The following EEA1 variants were observed in gnomAD, a reference collection of about 807,000 sequenced individuals.
EEA1 encodes early endosome antigen 1, 162kD.
A neutral mutation model predicts 209.2 loss-of-function variants in EEA1; 111 were observed. The observed-to-expected ratio is 0.53, with a 90% CI of 0.45 to 0.62. EEA1 has a LOEUF of 0.62. EEA1 is among the 20% of genes least tolerant of loss of function. The pLI, the probability that EEA1 is intolerant of heterozygous loss-of-function variation, is 0.00. For synonymous variants in EEA1, 536 were observed against 540.6 expected (o/e 0.99, Z 0.12); for missense variants, 1,343 against 1,530.8 (o/e 0.88, Z 2.05).
chr12:92,834,025 A>G (rs1876793168), intron 10 of EEA1, among the ~76,000 whole-genome samples: 1 of 152,160 alleles, frequency 6.6e-6, no homozygotes, highest in Admixed American at 6.5e-5. Flanking sequence ...TCTGCTCTAT[A>G]TAAATGTATA....
intron 23 of EEA1, among the ~76,000 whole-genome samples, chr12:92,781,112 G>A (rs994654117): frequency 3.9e-4 from 60 of 152,046 alleles, no homozygotes; most frequent in African/African-American, 1.4e-3. Context: ...GTCTCACTAT[G>A]TTGCCCAGGC....
At chr12:92,832,417 T>G in intron 11 of EEA1, 95 bp downstream of exon 11, 1 of 1,189,440 alleles carries the variant, frequency 8.4e-7, no homozygotes, top group Non-Finnish European at 1.2e-6. Flanking sequence ...GACAATATTT[T>G]TTCAACATGA....
chr12:92,799,154 GA>G (rs539106125), intron 20 of EEA1, 68 bp from the exon 21 acceptor site: 67 of 1,298,650 alleles, frequency 5.2e-5, no homozygotes, highest in South Asian at 3.9e-4. Context: ...TGAGTAACTA[GA>G]AAAAAAAATC....
intron 1 of EEA1, among the ~76,000 whole-genome samples, chr12:92,900,428 C>CTG (rs957567388): frequency 7.4e-6 from 1 of 135,498 alleles, no homozygotes; most frequent in Non-Finnish European, 1.7e-5. Flanking sequence ...TATGTCTTTA[C>CTG]TGTGTGTTTT....
At chr12:92,856,606 C>T (rs1877892165) in intron 5 of EEA1, among the ~76,000 whole-genome samples, 1 of 151,868 alleles carries the variant, frequency 6.6e-6, no homozygotes, top group Non-Finnish European at 1.5e-5. Flanking sequence ...ATCTCTTTCC[C>T]TACCAATATA....
In EEA1 at chr12:92,832,578, C is replaced by T. The variant is rs1475849184; in HGVS notation, c.1188G>A (p.Lys396=). Residue 396 remains lysine, a synonymous_variant, in exon 11 of 29, where the codon AAG becomes AAA. Transcript: ENST00000322349. ...TTTCTTCTCTCTGTTGTTGTAGCTG[C>T]TTAAACTCCGCCTTTAGATGCTGGT... ...TKYQHLKAEF[K]QLQQQREEKE... 1 of 1,614,064 alleles carries T rather than the reference C, an allele frequency of 6.2e-7. No individual in the cohort carries two copies. Among genetic ancestry groups the T allele is most frequent in the Admixed American group, 1.7e-5 (1 of 60,022 alleles).
rs1873634866 is a variant in EEA1, at chr12:92,775,859, T to G, written c.*152A>C. 6.1e-6 allele frequency: 4 copies of G among 655,380 alleles called. No homozygotes were observed. Among genetic ancestry groups the G allele is most frequent in the Non-Finnish European group, 8.9e-6 (4 of 448,804 alleles). The allele number at this position is 655,380 out of a possible 1,614,324, so 40.6% of individuals were successfully genotyped here. A position where few individuals can be genotyped will look rare whatever the true frequency, so the allele number is the denominator to read the frequency against. Reference sequence around the variant, plus strand: ...CTCACAAAAATAGAAGAGTTTTACTTGATATCCATAACATTCCAAAATATA... The same window carrying G: ...CTCACAAAAATAGAAGAGTTTTACTGGATATCCATAACATTCCAAAATATA... On this transcript the variant is annotated 3_prime_UTR_variant, in exon 29 of 29. Transcript: ENST00000322349.
At chr12:92,777,270 T>A (rs1873697270) in intron 27 of EEA1, among the ~76,000 whole-genome samples, 1 of 151,934 alleles carries the variant, frequency 6.6e-6, no homozygotes, top group South Asian at 2.1e-4. Context: ...ACATACTGAC[T>A]CATATATTCT....
Position 92,782,154 on chromosome 12 carries a change from C to T in EEA1, c.3151-19G>A. On this transcript the variant is annotated intron_variant, in intron 22 of 28. Transcript: ENST00000322349. ...CTACAGACTTACAAAAACAATTTTCCCAAATTATTATATGCCATGTTTTTA... is the reference window on the plus strand; with the variant it reads ...CTACAGACTTACAAAAACAATTTTCTCAAATTATTATATGCCATGTTTTTA... 1 of 1,577,196 alleles carries T rather than the reference C, an allele frequency of 6.3e-7. No homozygotes were observed. Among genetic ancestry groups the T allele is most frequent in the Non-Finnish European group, 8.6e-7 (1 of 1,160,534 alleles).
chr12:92,837,952 T>TTCTC lies in EEA1; in HGVS notation c.915+4512_915+4513insGAGA, dbSNP rs1345664559. Among the ~76,000 whole-genome samples the TTCTC allele has an allele frequency of 1.3e-4, 20 of 151,836 alleles. No individual in the cohort carries two copies. The East Asian group carries it at 3.5e-3, about 26-fold the overall frequency. On this transcript the variant is annotated intron_variant, in intron 10 of 28. Transcript: ENST00000322349. The stretch of plus-strand genomic sequence containing the variant: ...ACCAAAGACATGGGGTAAGGAGGGG[T>TTCTC]GAGAGAAGTAGATAGTGAGGATAAT...
At position 92,781,993 on chromosome 12, in the gene EEA1, A is replaced by C. The variant is rs1157012279; in HGVS notation, c.3293T>G (p.Leu1098Trp). ...EQDSAKKEQQ[L>W]QERCKALQDI... is the part of the protein sequence containing the mutation. Reference sequence around the variant, plus strand: ...TTGTAGTGCTTTACATCGCTCCTGCAATTGCTGTTCTTTCTTTGCTGAATC... The same window carrying C: ...TTGTAGTGCTTTACATCGCTCCTGCCATTGCTGTTCTTTCTTTGCTGAATC... Residue 1098 changes from leucine to tryptophan, a missense_variant, in exon 23 of 29, where the codon TTG (leucine) becomes TGG (tryptophan). This residue lies in a region of EEA1 where 1,307 missense variants were observed against 1,465.5 expected (regional missense o/e 0.89). Transcript: ENST00000322349. The C allele has an allele frequency of 1.2e-6, 2 of 1,613,436 alleles. No homozygotes were observed. Among genetic ancestry groups the C allele is most frequent in the Admixed American group, 1.7e-5 (1 of 59,978 alleles).
At chr12:92,810,875 T>C (rs373247240) in intron 17 of EEA1, among the ~76,000 whole-genome samples, 21 of 152,054 alleles carry the variant, frequency 1.4e-4, no homozygotes, top group African/African-American at 4.6e-4. Context: ...TATAAAGTTC[T>C]AAAAAGGAAA....
chr12:92,853,217 C>T (rs993049275), intron 6 of EEA1, among the ~76,000 whole-genome samples, 192 bp from the exon 7 acceptor site: 1 of 152,156 alleles, frequency 6.6e-6, no homozygotes, highest in African/African-American at 2.4e-5. Flanking sequence ...TACAAACATA[C>T]ACTACAAATG....
chr12:92,913,234 C>T (rs1434004213), intron 1 of EEA1, among the ~76,000 whole-genome samples: 1 of 152,166 alleles, frequency 6.6e-6, no homozygotes, highest in African/African-American at 2.4e-5. Flanking sequence ...TTTTTTGTAA[C>T]AGCCATTCTG....
intron 9 of EEA1, among the ~76,000 whole-genome samples, chr12:92,849,751 T>C (rs1476432213): frequency 1.3e-5 from 2 of 152,208 alleles, no homozygotes; most frequent in African/African-American, 4.8e-5. Context: ...ATAATACTTA[T>C]ACCCCAAAGC....
intron 6 of EEA1, 94 bp from the exon 7 acceptor site, chr12:92,853,119 A>G: frequency 1.3e-6 from 1 of 798,360 alleles, no homozygotes; most frequent in Non-Finnish European, 1.9e-6. Flanking sequence ...AAGATGATCA[A>G]CTTAAGTTTA....
intron 14 of EEA1, among the ~76,000 whole-genome samples, chr12:92,819,009 T>C (rs962908585): frequency 6.6e-6 from 1 of 152,200 alleles, no homozygotes; most frequent in Non-Finnish European, 1.5e-5. Flanking sequence ...AAGCATGCAC[T>C]ATTAATATTT....
chr12:92,799,956 C>T (rs1874831693), intron 20 of EEA1, among the ~76,000 whole-genome samples: 1 of 152,126 alleles, frequency 6.6e-6, no homozygotes, highest in Non-Finnish European at 1.5e-5. Flanking sequence ...AGGCCAGGTG[C>T]TCACGCCTAT....
intron 2 of EEA1, among the ~76,000 whole-genome samples, chr12:92,876,953 T>TG (rs1217237871): frequency 8.0e-5 from 12 of 150,230 alleles, no homozygotes; most frequent in Non-Finnish European, 1.3e-4. Flanking sequence ...GTTTTTTTTT[T>TG]TTGTTTTTGA....
Sources: allele counts gnomAD v4.1 joint callset (sites outside exome capture counted in the v4.1 genomes callset), GRCh38; gene constraint gnomAD v4.1.1; regional missense constraint gnomAD v4.1.1; transcripts MANE v1.5; gene names NCBI Gene and HGNC (gene_info 2026-07-23, HGNC 2026-07-21).